APBA1: variants seen among roughly 807,000 people sequenced by gnomAD.
APBA1 encodes the protein amyloid-beta A4 precursor protein-binding family A member 1.
APBA1 carries 55 observed loss-of-function variants against 86.6 expected under a neutral mutation model. The observed-to-expected ratio is 0.64, with a 90% confidence interval of 0.51 to 0.80. The LOEUF (loss-of-function observed/expected upper bound fraction) is 0.80, where lower values mean the gene tolerates loss of function less well. APBA1 is among the 30% of genes least tolerant of loss of function. APBA1 has a pLI of 0.00. For missense variants in APBA1, 1,090 were observed against 1,183.0 expected, an observed-to-expected ratio of 0.92 and a Z score of 1.15; for synonymous variants, 511 against 493.9, an observed-to-expected ratio of 1.03 and a Z score of -0.46.
chr9:69,492,365 AG>A lies in APBA1; in HGVS notation c.1201-16223del, dbSNP rs567877811. ...AAGTCTTTTTATGATCTGAACAGTT[AG>A]AAAAGTTATTTCAGCCCTCTGGGAG... On this transcript the variant is annotated intron_variant, in intron 2 of 12. Coordinates refer to ENST00000265381, the MANE Select transcript of APBA1 (RefSeq NM_001163.4). Among the ~76,000 whole-genome samples the A allele has an allele frequency of 1.6e-4, 25 of 152,324 alleles. No homozygotes were observed. The East Asian group carries it at 4.8e-3, about 29-fold the overall frequency.
intron 1 of APBA1, among the ~76,000 whole-genome samples, chr9:69,630,397 T>C (rs1588401803): frequency 2.0e-5 from 3 of 152,194 alleles, no homozygotes; most frequent in African/African-American, 7.2e-5. Flanking sequence ...CTATGGACTC[T>C]GCTCATCAGT....
intron 1 of APBA1, among the ~76,000 whole-genome samples, chr9:69,637,372 T>C (rs1280826673): frequency 6.6e-6 from 1 of 152,158 alleles, no homozygotes; most frequent in Non-Finnish European, 1.5e-5. Context: ...ACACTATAAT[T>C]GGATTGTTTG....
intron 1 of APBA1, among the ~76,000 whole-genome samples, chr9:69,660,027 T>G (rs940368037): frequency 3.5e-4 from 53 of 152,308 alleles, no homozygotes; most frequent in Middle Eastern, 3.4e-3. Flanking sequence ...GTGCACACAC[T>G]TACACACAAT....
chr9:69,522,204 T>C (rs1443716416), intron 1 of APBA1, among the ~76,000 whole-genome samples: 1 of 152,030 alleles, frequency 6.6e-6, no homozygotes, highest in African/African-American at 2.4e-5. Flanking sequence ...AAAGATGTTT[T>C]GTCATGTATC....
intron 1 of APBA1, among the ~76,000 whole-genome samples, chr9:69,599,954 C>T (rs969091680): frequency 6.6e-6 from 1 of 152,178 alleles, no homozygotes; most frequent in African/African-American, 2.4e-5. Flanking sequence ...TCACTTTGCC[C>T]GGTAGCGTTT....
chr9:69,636,949 AAGAAAGAAAG>A (rs1237316671), intron 1 of APBA1, among the ~76,000 whole-genome samples: 4 of 150,058 alleles, frequency 2.7e-5, no homozygotes, highest in African/African-American at 9.8e-5. Flanking sequence ...GAAAGAAAGA[AAGAAAGAAAG>A]AAAGAAAGAA....
chr9:69,520,289 G>T (rs1026804288), intron 1 of APBA1, among the ~76,000 whole-genome samples: 4 of 152,174 alleles, frequency 2.6e-5, no homozygotes, highest in Non-Finnish European at 5.9e-5. Context: ...CATTTAAGCT[G>T]CTTTTTAAAA....
chr9:69,491,629 C>A (rs1835712778), intron 2 of APBA1, among the ~76,000 whole-genome samples: 1 of 151,440 alleles, frequency 6.6e-6, no homozygotes. Flanking sequence ...GAAAATCAAT[C>A]AACTCCTAAG....
intron 1 of APBA1, among the ~76,000 whole-genome samples, chr9:69,658,286 C>CTTTTTTCTTTCTT (rs770180947): frequency 1.3e-5 from 1 of 74,184 alleles, no homozygotes; most frequent in Non-Finnish European, 3.0e-5. Context: ...CTTTCTTTCT[C>CTTTTTTCTTTCTT]TCTCTCTTTC....
intron 1 of APBA1, among the ~76,000 whole-genome samples, chr9:69,558,198 T>C (rs1414551356): frequency 6.6e-6 from 1 of 152,172 alleles, no homozygotes; most frequent in Admixed American, 6.5e-5. Context: ...TTTTAAACTG[T>C]CTTCCTGATT....
intron 1 of APBA1, among the ~76,000 whole-genome samples, chr9:69,539,325 C>A (rs930993490): frequency 1.3e-5 from 2 of 152,226 alleles, no homozygotes; most frequent in African/African-American, 4.8e-5. Context: ...CTTCTGATTT[C>A]TCATTCTAAA....
chr9:69,657,614 T>C (rs1823637438), intron 1 of APBA1, among the ~76,000 whole-genome samples: 2 of 152,350 alleles, frequency 1.3e-5, no homozygotes, highest in East Asian at 1.9e-4. Flanking sequence ...CATAGCACTT[T>C]GCTAGATAAT....
Position 69,517,022 on chromosome 9 carries a change from C to A in APBA1, c.189G>T (p.Gln63His). 2 of 1,577,678 alleles carry A rather than the reference C, an allele frequency of 1.3e-6. No individual in the cohort carries two copies. Residue 63 changes from glutamine (Q) to histidine (H), a missense_variant, in exon 2 of 13, where the codon CAG becomes CAT. Coordinates refer to ENST00000265381, the MANE Select transcript of APBA1 (RefSeq NM_001163.4). ...CGCGCTCCTCTTCCTCCTGGCCGAG[C>A]TGGGCGCGGAGGTCCTCGAGGGCTC... is the stretch of plus-strand genomic sequence containing the variant. ...RGRALEDLRA[Q>H]LGQEEEERGE...
At chr9:69,449,501 T>C (rs1247093950) in intron 10 of APBA1, 83 bp downstream of exon 10, 12 of 1,261,056 alleles carry the variant, frequency 9.5e-6, no homozygotes, top group Non-Finnish European at 1.4e-5. Flanking sequence ...AATATGTTCA[T>C]ATACATTAAT....
rs1342214134 is a variant in APBA1, at chr9:69,517,018, C to G, written c.193G>C (p.Gly65Arg). ...RALEDLRAQLGQEEEERGECL... is the reference protein window; with the variant it reads ...RALEDLRAQLRQEEEERGECL... ...TCCCCGCGCTCCTCTTCCTCCTGGC[C>G]GAGCTGGGCGCGGAGGTCCTCGAGG... Residue 65 changes from glycine (G) to arginine (R), a missense_variant, in exon 2 of 13, where the codon GGC becomes CGC. By Grantham distance (125) the Gly-to-Arg change is moderately radical. Around this residue, in one of 6 missense-constraint regions of APBA1, gnomAD observed 678 missense variants for 647.1 expected, o/e 1.05. Transcript: ENST00000265381. The G allele has an allele frequency of 3.2e-6, 5 of 1,577,294 alleles. No individual in the cohort carries two copies. Among genetic ancestry groups the G allele is most frequent in the Admixed American group, 1.8e-5 (1 of 56,886 alleles).
At chr9:69,557,196 G>C (rs1477346964) in intron 1 of APBA1, among the ~76,000 whole-genome samples, 1 of 152,126 alleles carries the variant, frequency 6.6e-6, no homozygotes, top group Non-Finnish European at 1.5e-5. Context: ...TAATCTTCCT[G>C]ATAAAGCCTG....
At chr9:69,658,266 TTC>T (rs1491080431) in intron 1 of APBA1, among the ~76,000 whole-genome samples, 47 of 81,662 alleles carry the variant, frequency 5.8e-4, no homozygotes, top group South Asian at 2.7e-3. Context: ...CTTTCTTTCT[TTC>T]TTTCTTTCTT....
intron 11 of APBA1, among the ~76,000 whole-genome samples, chr9:69,440,376 C>CA (rs201204106): frequency 0.018 from 2,704 of 152,238 alleles, 34 homozygotes; most frequent in Admixed American, 0.035. Flanking sequence ...GCCCTGCCCC[C>CA]AGAGGTGGAG....
rs1834967448 is a variant in APBA1 at position 69,449,629 on chromosome 9, GGT to G, written c.2134_2135del (p.Thr712GlnfsTer15). On this transcript the variant is annotated frameshift_variant, in exon 10 of 13. Transcript: ENST00000265381. LOFTEE classifies it high-confidence loss of function. ...TGGACAGAGGCAGGCCCACCAGGCTGGTGCCATTAATGGACATGATCTGGTCA... is the reference window on the plus strand; with the variant it reads ...TGGACAGAGGCAGGCCCACCAGGCTGGCCATTAATGGACATGATCTGGTCA... The part of the protein sequence containing the change: ...IGDQIMSING[T>X]SLVGLPLSTC... 1 of 1,613,848 alleles carries G rather than the reference GGT, an allele frequency of 6.2e-7. No individual in the cohort carries two copies. The highest frequency in any genetic ancestry group is 1.3e-5 in the African/African-American group (1 of 74,868).
Sources: gnomAD v4.1 joint callset for allele counts (sites outside exome capture counted in the v4.1 genomes callset) on GRCh38, gnomAD v4.1.1 for gene constraint, gnomAD v4.1.1 regional missense constraint, MANE v1.5 for transcripts, NCBI Gene and HGNC (gene_info 2026-07-23, HGNC 2026-07-21) for gene names.